Variants in FABP6 observed in about 807,000 individuals in gnomAD.
The protein encoded by FABP6 is fatty acid binding protein 6.
In FABP6, 13 loss-of-function variants were observed where a neutral mutation model predicts 14.9. That is an observed-to-expected ratio of 0.87 (90% CI 0.57 to 1.39). FABP6 has a LOEUF of 1.39. Ranked by LOEUF, FABP6 falls within the 40% of genes most tolerant of loss-of-function variation. The pLI is 0.00. For synonymous variants in FABP6, 75 were observed against 63.6 expected (o/e 1.18, Z -0.85); for missense variants, 161 against 167.2 (o/e 0.96, Z 0.20).
chr5:160,198,909 G>C (rs987977414), intron 1 of FABP6: 4 of 586,284 alleles, frequency 6.8e-6, no homozygotes, highest in African/African-American at 3.7e-5. Context: ...GGGACCTCAC[G>C]TGTTTCTTCT....
At chr5:160,211,020 T>C (rs1374124975) in intron 2 of FABP6, among the ~76,000 whole-genome samples, 1 of 152,190 alleles carries the variant, frequency 6.6e-6, no homozygotes. Context: ...TGGGCTGCTT[T>C]GGTAGGGAGA....
chr5:160,234,935 T>C (rs1230065837), intron 3 of FABP6, 26 bp downstream of exon 3: 2 of 1,596,832 alleles, frequency 1.3e-6, no homozygotes, highest in Non-Finnish European at 1.7e-6. Context: ...ATTCCTGGGA[T>C]GATTATTGGA....
chr5:160,217,602 A>G (rs1760038730), intron 3 of FABP6, among the ~76,000 whole-genome samples: 1 of 151,908 alleles, frequency 6.6e-6, no homozygotes, highest in African/African-American at 2.4e-5. Context: ...GAACTCATTT[A>G]TTTATTTTAT....
intron 3 of FABP6, among the ~76,000 whole-genome samples, chr5:160,221,412 T>G (rs544668223): frequency 1.3e-5 from 2 of 152,086 alleles, no homozygotes; most frequent in Non-Finnish European, 2.9e-5. Context: ...GAGCAGTCAT[T>G]CCAGGCAGGC....
chr5:160,232,309 G>C, intron 2 of FABP6, 36 bp downstream of exon 2: 1 of 1,541,738 alleles, frequency 6.5e-7, no homozygotes, highest in South Asian at 1.2e-5. Flanking sequence ...CCTTCCCCAG[G>C]CCTCCATCTG....
chr5:160,193,850 C>T (rs1179869794), intron 1 of FABP6, among the ~76,000 whole-genome samples: 1 of 152,258 alleles, frequency 6.6e-6, no homozygotes, highest in Non-Finnish European at 1.5e-5. Flanking sequence ...GATCCCGCAC[C>T]AGGGTTGCAG....
upstream of FABP6, chr5:160,229,419 G>A: frequency 2.6e-6 from 4 of 1,529,658 alleles, no homozygotes; most frequent in East Asian, 2.3e-5. Context: ...TCCTCTTCAG[G>A]ACAGGAGGGA....
chr5:160,211,445 C>T (rs1196041708), intron 2 of FABP6, among the ~76,000 whole-genome samples: 1 of 152,174 alleles, frequency 6.6e-6, no homozygotes, highest in East Asian at 1.9e-4. Flanking sequence ...TCCAACCCTC[C>T]CATTGCCAGT....
intron 2 of FABP6, chr5:160,199,266 T>TTAGCATCACAGAGAAA: frequency 9.0e-7 from 1 of 1,107,030 alleles, no homozygotes; most frequent in Non-Finnish European, 1.4e-6. Flanking sequence ...TTCTCTGTGA[T>TTAGCATCACAGAGAAA]GCTAATAACA....
intron 3 of FABP6, chr5:160,213,846 GGT>G: frequency 3.2e-6 from 5 of 1,556,762 alleles, no homozygotes; most frequent in South Asian, 1.1e-5. Context: ...GGGAGGGAAG[GGT>G]TCCTGACGTT....
chr5:160,238,689 A>G lies in FABP6; in HGVS notation c.*30A>G. On this transcript the variant is annotated 3_prime_UTR_variant, in exon 4 of 4. Coordinates refer to ENST00000402432, the MANE Select transcript of FABP6 (RefSeq NM_001445.3). The stretch of plus-strand genomic sequence containing the variant: ...CCAGGCCCGGCCCAGGGAGCTACAA[A>G]CCCACCAATAAAACTGATATAAGGA... 1 of 1,610,592 alleles carries G rather than the reference A, an allele frequency of 6.2e-7. No individual in the cohort carries two copies.
chr5:160,232,031 C>T, intron 1 of FABP6, 67 bp from the exon 2 acceptor site: 2 of 1,565,738 alleles, frequency 1.3e-6, no homozygotes, highest in Non-Finnish European at 1.7e-6. Flanking sequence ...GGCAGGAAAG[C>T]TCTTTTCCCA....
chr5:160,201,319 C>T (rs181245500), intron 2 of FABP6, among the ~76,000 whole-genome samples: 5 of 151,102 alleles, frequency 3.3e-5, no homozygotes, highest in Admixed American at 2.0e-4. Flanking sequence ...GATCGCGACA[C>T]TGCACTCCAG....
intron 2 of FABP6, among the ~76,000 whole-genome samples, chr5:160,209,430 GGAGGATTATTTGAGCCT>G (rs1353345307): frequency 6.6e-6 from 1 of 152,142 alleles, no homozygotes; most frequent in Non-Finnish European, 1.5e-5. Context: ...GACTGAGGCA[GGAGGATTATTTGAGCCT>G]GGGAGGTTGA....
intron 3 of FABP6, among the ~76,000 whole-genome samples, chr5:160,224,266 A>G (rs1760196704): frequency 6.6e-6 from 1 of 151,772 alleles, no homozygotes; most frequent in Non-Finnish European, 1.5e-5. Flanking sequence ...AAATTAAAAA[A>G]TAAAAAAATT....
chr5:160,188,536 A>G (rs1759334337), intron 1 of FABP6, among the ~76,000 whole-genome samples: 1 of 152,042 alleles, frequency 6.6e-6, no homozygotes. Context: ...CCCGCTGGGG[A>G]GAGGCCGCCG....
In FABP6 at chr5:160,223,673, C is replaced by T. The variant is rs193038345; in HGVS notation, c.136-5873C>T. On this transcript the variant is annotated intron_variant, in intron 3 of 6. Coordinates refer to the FABP6 transcript ENST00000393980. Reference sequence around the variant, plus strand: ...AACTCCTGGGCCCAAGCGATCTTTCCGCCTCGGCCTCCTATAGTGCTGGGA... The same window carrying T: ...AACTCCTGGGCCCAAGCGATCTTTCTGCCTCGGCCTCCTATAGTGCTGGGA... Among the ~76,000 whole-genome samples, 639 of 151,572 alleles carry T rather than the reference C, an allele frequency of 4.2e-3. 2 individuals carry two copies. Among genetic ancestry groups the T allele is most frequent in the African/African-American group, 5.9e-3 (246 of 41,382 alleles).
intron 1 of FABP6, 158 bp from the exon 2 acceptor site, chr5:160,231,940 C>A (rs974821711): frequency 4.1e-6 from 3 of 726,316 alleles, no homozygotes; most frequent in Non-Finnish European, 6.6e-6. Context: ...TGGCTCACAG[C>A]ACGTATTAGC....
intron 2 of FABP6, among the ~76,000 whole-genome samples, chr5:160,201,311 T>C (rs1759634442): frequency 6.7e-6 from 1 of 150,198 alleles, no homozygotes; most frequent in South Asian, 2.1e-4. Flanking sequence ...TGAGTCAAGA[T>C]CGCGACACTG....
Sources: gnomAD v4.1 joint callset for allele counts (sites outside exome capture counted in the v4.1 genomes callset) on GRCh38, gnomAD v4.1.1 for gene constraint, MANE v1.5 for transcripts, NCBI Gene and HGNC (gene_info 2026-07-23, HGNC 2026-07-21) for gene names.